The following RBFOX1 variants were observed in gnomAD, a reference collection of about 807,000 sequenced individuals.
The protein encoded by RBFOX1 is RNA binding protein fox-1 homolog 1.
A neutral mutation model predicts 57.7 loss-of-function variants in RBFOX1; 8 were observed. The observed-to-expected ratio is 0.14, with a 90% CI of 0.08 to 0.25. The LOEUF is 0.25. Ranked by LOEUF, RBFOX1 falls within the 10% of genes least tolerant of loss-of-function variation. The pLI is 1.00. For missense variants in RBFOX1, 611 were observed against 548.5 expected (o/e 1.11, Z -1.14); for synonymous variants, 326 against 222.4 (o/e 1.47, Z -4.15).
Position 5,799,572 on chromosome 16 carries a change from G to A in RBFOX1, c.319-67731G>A, listed in dbSNP as rs1440980152. The stretch of plus-strand genomic sequence containing the variant: ...TTCACTTTCAGTACAGTATCCAGTT[G>A]GTTACAGGAGATATTCAACATGTTA... On this transcript the variant is annotated intron_variant, in intron 3 of 19. Transcript: ENST00000641259. 3.3e-5 allele frequency among the ~76,000 whole-genome samples: 5 copies of A among 152,166 alleles called. 1 individual carries two copies. Among genetic ancestry groups the A allele is most frequent in the Non-Finnish European group, 7.4e-5 (5 of 68,004 alleles).
chr16:5,362,396 C>T (rs950853895), intron 1 of RBFOX1, among the ~76,000 whole-genome samples: 4 of 152,136 alleles, frequency 2.6e-5, no homozygotes, highest in African/African-American at 7.2e-5. Context: ...GAGTTTCGCT[C>T]TTGTTGCCCA....
At chr16:6,616,449 G>T (rs1309329989) in intron 2 of RBFOX1, among the ~76,000 whole-genome samples, 1 of 151,922 alleles carries the variant, frequency 6.6e-6, no homozygotes, top group African/African-American at 2.4e-5. Context: ...GGCCGAGGCG[G>T]GTGGATCACG....
intron 4 of RBFOX1, among the ~76,000 whole-genome samples, chr16:7,424,323 A>C (rs56122554): frequency 1.3e-5 from 2 of 152,120 alleles, no homozygotes; most frequent in Admixed American, 6.6e-5. Flanking sequence ...GCAGTGATGC[A>C]ATCTTTTCTG....
At chr16:6,829,649 G>A (rs1029401813) in intron 3 of RBFOX1, among the ~76,000 whole-genome samples, 2 of 151,744 alleles carry the variant, frequency 1.3e-5, no homozygotes, top group Non-Finnish European at 1.5e-5. Flanking sequence ...TCACCCATAC[G>A]GCAGTGCAGG....
At chr16:6,056,919 C>T (rs2152449622) in intron 1 of RBFOX1, 1 of 151,108 alleles carries the variant, frequency 6.6e-6, no homozygotes, top group African/African-American at 2.4e-5. Context: ...GATTAATAAC[C>T]AAAGTCCTGA....
chr16:6,522,154 AGTGTGTGTGTGTGTGTGTGTGT>A (rs35360830), intron 2 of RBFOX1, among the ~76,000 whole-genome samples: 1 of 142,762 alleles, frequency 7.0e-6, no homozygotes, highest in Non-Finnish European at 1.5e-5. Context: ...GGGGACCCAC[AGTGTGTGTGTGTGTGTGTGTGT>A]GTGTGTGTGT....
chr16:5,441,699 G>T (rs1038909654), intron 1 of RBFOX1, among the ~76,000 whole-genome samples: 1 of 152,146 alleles, frequency 6.6e-6, no homozygotes, highest in African/African-American at 2.4e-5. Context: ...GTTCAGCATG[G>T]CTGGGGAGGC....
intron 3 of RBFOX1, among the ~76,000 whole-genome samples, chr16:6,903,997 G>C (rs972326400): frequency 2.6e-5 from 4 of 152,116 alleles, no homozygotes; most frequent in African/African-American, 9.7e-5. Flanking sequence ...GAGTGACCAC[G>C]TGGTCACAAA....
At chr16:5,310,552 C>T (rs903110860) in intron 1 of RBFOX1, among the ~76,000 whole-genome samples, 1 of 152,120 alleles carries the variant, frequency 6.6e-6, no homozygotes, top group African/African-American at 2.4e-5. Context: ...ATAATTGTAC[C>T]TGTCCAGGTC....
At chr16:6,595,824 T>A (rs1019962930) in intron 2 of RBFOX1, among the ~76,000 whole-genome samples, 2 of 152,218 alleles carry the variant, frequency 1.3e-5, no homozygotes, top group African/African-American at 4.8e-5. Context: ...AAGCATCTTT[T>A]TAATGTGCTT....
intron 2 of RBFOX1, among the ~76,000 whole-genome samples, chr16:6,385,711 G>T (rs558767229): frequency 6.6e-6 from 1 of 152,340 alleles, no homozygotes; most frequent in African/African-American, 2.4e-5. Flanking sequence ...ACAGAACAAG[G>T]TAATGAACAG....
intron 4 of RBFOX1, among the ~76,000 whole-genome samples, chr16:7,268,667 C>T (rs559434610): frequency 2.6e-5 from 4 of 152,218 alleles, no homozygotes. Context: ...GTGAGTCAAT[C>T]CTGCCCATGT....
intron 1 of RBFOX1, among the ~76,000 whole-genome samples, chr16:6,166,260 T>G (rs930126864): frequency 6.6e-6 from 1 of 152,234 alleles, no homozygotes; most frequent in Admixed American, 6.5e-5. Context: ...CCTGGTGAAC[T>G]TGTTGACTCT....
At chr16:7,495,629 T>A (rs66487837) in intron 4 of RBFOX1, among the ~76,000 whole-genome samples, 1 of 152,174 alleles carries the variant, frequency 6.6e-6, no homozygotes, top group East Asian at 1.9e-4. Flanking sequence ...TTTTGAGAAA[T>A]GTCTGTTTGT....
At chr16:6,847,060 T>C (rs1405953787) in intron 3 of RBFOX1, among the ~76,000 whole-genome samples, 1 of 152,166 alleles carries the variant, frequency 6.6e-6, no homozygotes, top group Non-Finnish European at 1.5e-5. Flanking sequence ...CTGCCTCTCT[T>C]GTAAAGTGAA....
intron 1 of RBFOX1, among the ~76,000 whole-genome samples, chr16:5,399,173 T>G (rs540536767): frequency 2.6e-5 from 4 of 152,280 alleles, no homozygotes; most frequent in African/African-American, 9.6e-5. Flanking sequence ...ATCTGTAAAA[T>G]GCGGAAAATT....
chr16:6,771,537 C>G (rs944046995), intron 3 of RBFOX1, among the ~76,000 whole-genome samples: 3 of 152,202 alleles, frequency 2.0e-5, no homozygotes, highest in South Asian at 4.1e-4. Flanking sequence ...CAACACACTT[C>G]TGCTCAAGTC....
chr16:6,161,105 C>G (rs935247828), intron 1 of RBFOX1, among the ~76,000 whole-genome samples: 3 of 152,076 alleles, frequency 2.0e-5, no homozygotes, highest in Non-Finnish European at 4.4e-5. Context: ...GAAGTGATCA[C>G]TGGCTGGGCA....
In RBFOX1 at chr16:5,518,372, C is replaced by G. The variant is rs535264356; in HGVS notation, c.258+51118C>G. Among the ~76,000 whole-genome samples the G allele has an allele frequency of 2.0e-5, 3 of 152,226 alleles. No homozygotes were observed. The East Asian group carries it at 5.8e-4, about 29-fold the overall frequency. On this transcript the variant is annotated intron_variant, in intron 2 of 2. Coordinates refer to the RBFOX1 transcript ENST00000585867. ...AAGTGACATTTTTTTTGACCCTCAC[C>G]ATTGCCCTTCATCACTGATGTGTCA...
Sources: allele counts gnomAD v4.1 joint callset (sites outside exome capture counted in the v4.1 genomes callset), GRCh38; gene constraint gnomAD v4.1.1; transcripts MANE v1.5; gene names NCBI Gene and HGNC (gene_info 2026-07-23, HGNC 2026-07-21).